The following FAM124B variants were observed in gnomAD, a reference collection of about 807,000 sequenced individuals.
FAM124B encodes protein FAM124B.
Under a neutral mutation model 19.7 loss-of-function variants are expected in FAM124B, and 18 were observed. That is an observed-to-expected ratio of 0.92 (90% confidence interval 0.63 to 1.36). The LOEUF is 1.36. FAM124B is among the 40% of genes most tolerant of loss of function. FAM124B has a pLI of 0.00. For synonymous variants in FAM124B, 223 were observed against 225.2 expected (o/e 0.99, Z 0.09); for missense variants, 540 against 553.3 (o/e 0.98, Z 0.24).
intron 1 of FAM124B, among the ~76,000 whole-genome samples, chr2:224,398,032 G>A (rs537040595): frequency 6.6e-6 from 1 of 152,266 alleles, no homozygotes; most frequent in South Asian, 2.1e-4. Context: ...AAGCCACGTG[G>A]AACTGTGAGT....
rs1361974342 is a variant in FAM124B, at chr2:224,401,713, C to T, written c.56G>A (p.Gly19Glu). 1 of 1,614,014 alleles carries T rather than the reference C, an allele frequency of 6.2e-7. No homozygotes were observed. The highest frequency in any genetic ancestry group is 1.3e-5 in the African/African-American group (1 of 74,926). The stretch of plus-strand genomic sequence containing the variant: ...AGTCCTCTGCAGAAGGGAGCCGTGC[C>T]CAGAGTTGGCAAGAAGATGGACAGT... Reference protein sequence around the residue: ...AMTVHLLANSGHGSLLQRTLD... With the variant: ...AMTVHLLANSEHGSLLQRTLD... The change falls in exon 1 of 2, where the codon GGG becomes GAG. Residue 19 changes from glycine (G) to glutamate (E), a missense_variant. Coordinates refer to ENST00000409685, the MANE Select transcript of FAM124B (RefSeq NM_001122779.2).
chr2:224,391,901 G>A (rs1181039084), intron 1 of FAM124B, among the ~76,000 whole-genome samples: 1 of 152,136 alleles, frequency 6.6e-6, no homozygotes, highest in African/African-American at 2.4e-5. Context: ...ATTATCTGTT[G>A]TCCTTAGGTA....
At chr2:224,398,644 T>C (rs962789616) in intron 1 of FAM124B, among the ~76,000 whole-genome samples, 7 of 152,054 alleles carry the variant, frequency 4.6e-5, no homozygotes, top group Admixed American at 2.0e-4. Context: ...CTCTGAGGTT[T>C]GGAGGTCAGG....
In FAM124B at chr2:224,379,864, G is replaced by A. The variant is rs1056026031; in HGVS notation, c.1077C>T (p.Ala359=). 46 of 1,551,928 alleles carry A rather than the reference G, an allele frequency of 3.0e-5. No homozygotes were observed. Among genetic ancestry groups the A allele is most frequent in the East Asian group, 2.9e-4 (12 of 40,936 alleles). Residue 359 remains alanine, a synonymous_variant, in exon 2 of 2, where the codon GCC becomes GCT. Coordinates refer to ENST00000409685, the MANE Select transcript of FAM124B (RefSeq NM_001122779.2). The part of the protein sequence containing the change: ...NRENSFQKLE[A]ETNVDTGLTI... ...TCAAGCCGGTGTCAACATTCGTCTC[G>A]GCCTCAAGCTTCTGAAAGCTGTTTT...
At chr2:224,392,129 A>G (rs1483550056) in intron 1 of FAM124B, among the ~76,000 whole-genome samples, 1 of 152,200 alleles carries the variant, frequency 6.6e-6, no homozygotes, top group East Asian at 1.9e-4. Flanking sequence ...CAAAAATTGA[A>G]CTGAATTCTA....
Position 224,386,899 on chromosome 2 carries a change from A to G in FAM124B, c.733-6691T>C, listed in dbSNP as rs554598505. Among the ~76,000 whole-genome samples, 10 of 152,368 alleles carry G rather than the reference A, an allele frequency of 6.6e-5. 1 individual carries two copies. The highest frequency in any genetic ancestry group is 2.4e-4 in the African/African-American group (10 of 41,586). ...AAATTATTTTACATTAGGTGGACAT[A>G]AAGTCTTAAGAAAATTCCTAATGAT... On this transcript the variant is annotated intron_variant, in intron 1 of 1. Transcript: ENST00000409685.
chr2:224,390,574 C>G (rs921299635), intron 1 of FAM124B, among the ~76,000 whole-genome samples: 1 of 151,996 alleles, frequency 6.6e-6, no homozygotes, highest in South Asian at 2.1e-4. Context: ...ACAGCAAGGC[C>G]CACAGAGAAG....
intron 1 of FAM124B, among the ~76,000 whole-genome samples, chr2:224,390,706 TTGTTTG>T (rs1559309833): frequency 6.5e-4 from 94 of 144,676 alleles, no homozygotes; most frequent in African/African-American, 2.5e-3. Context: ...TTTTTTTTGT[TTGTTTG>T]TTTTTTAAGA....
In FAM124B at chr2:224,380,196, G is replaced by A; in HGVS notation, c.745C>T (p.Pro249Ser). 6.5e-7 allele frequency: 1 copy of A among 1,545,102 alleles called. No homozygotes were observed. The highest frequency in any genetic ancestry group is 8.8e-7 in the Non-Finnish European group (1 of 1,142,782). The change falls in exon 2 of 2, where the codon CCA becomes TCA. Residue 249 changes from proline (P) to serine (S), a missense_variant. By Grantham distance (74) the Pro-to-Ser change is moderately conservative (BLOSUM62 -1). Transcript: ENST00000409685. Reference protein sequence around the residue: ...NKILLQVQLNPELGVKNGILG... With the variant: ...NKILLQVQLNSELGVKNGILG... ...ATGCCATTCTTAACACCAAGTTCTG[G>A]ATTCAGCTGAACCTACAGGAAAGGA...
In FAM124B at chr2:224,379,692, G is replaced by A. The variant is rs1022090689; in HGVS notation, c.1249C>T (p.Pro417Ser). 6.4e-7 allele frequency: 1 copy of A among 1,551,684 alleles called. No homozygotes were observed. The change falls in exon 2 of 2, where the codon CCT (proline) becomes TCT (serine). Residue 417 changes from proline to serine, a missense_variant. Pro to Ser is a moderately conservative substitution (Grantham distance 74). Transcript: ENST00000409685. ...NNSVLKERVSPLPLAGQRDLG... is the reference protein window; with the variant it reads ...NNSVLKERVSSLPLAGQRDLG... ...TCCCTTTGGCCAGCAAGTGGCAAAG[G>A]AGAGACTCTTTCCTTAAGGACACTG...
At chr2:224,395,453 A>G (rs1443022007) in intron 1 of FAM124B, among the ~76,000 whole-genome samples, 2 of 152,162 alleles carry the variant, frequency 1.3e-5, no homozygotes, top group African/African-American at 4.8e-5. Flanking sequence ...CACCCATGCT[A>G]CCTTCCCCCA....
chr2:224,395,776 A>T (rs902118986), intron 1 of FAM124B, among the ~76,000 whole-genome samples: 2 of 152,162 alleles, frequency 1.3e-5, no homozygotes, highest in African/African-American at 4.8e-5. Context: ...GAGGCATCAG[A>T]CTGTCTGCAA....
chr2:224,396,153 T>C (rs1173614835), intron 1 of FAM124B, among the ~76,000 whole-genome samples: 3 of 152,184 alleles, frequency 2.0e-5, no homozygotes, highest in Non-Finnish European at 2.9e-5. Context: ...TACATTCCAG[T>C]GGCTGACCAC....
chr2:224,390,572 G>A (rs1303486227), intron 1 of FAM124B, among the ~76,000 whole-genome samples: 2 of 151,978 alleles, frequency 1.3e-5, no homozygotes, highest in African/African-American at 2.4e-5. Context: ...GGACAGCAAG[G>A]CCCACAGAGA....
At chr2:224,388,186 T>C (rs959396135) in intron 1 of FAM124B, among the ~76,000 whole-genome samples, 1 of 152,214 alleles carries the variant, frequency 6.6e-6, no homozygotes. Flanking sequence ...AGTTACGTGT[T>C]ACAAAGATTT....
chr2:224,386,532 T>C (rs1208730969), intron 1 of FAM124B, among the ~76,000 whole-genome samples: 12 of 152,214 alleles, frequency 7.9e-5, no homozygotes, highest in Non-Finnish European at 1.5e-5. Flanking sequence ...GATTAAATGA[T>C]AGTCGTGCCT....
intron 1 of FAM124B, among the ~76,000 whole-genome samples, chr2:224,389,425 T>C (rs564622869): frequency 6.6e-6 from 1 of 152,324 alleles, no homozygotes; most frequent in East Asian, 1.9e-4. Flanking sequence ...GGCATTATAA[T>C]GCTGTAATAA....
chr2:224,387,439 T>C (rs1689815687), intron 1 of FAM124B, among the ~76,000 whole-genome samples: 1 of 152,204 alleles, frequency 6.6e-6, no homozygotes, highest in Non-Finnish European at 1.5e-5. Context: ...AAGAGAGAAT[T>C]TCTTCAACAC....
Position 224,379,350 on chromosome 2 carries a change from C to T in FAM124B, c.*223G>A. ...CGGAACAAAAGCATTCGGTTTTTTTCCCTGTGTGTTGGCTGTGTTCTCTTA... is the reference window on the plus strand; with the variant it reads ...CGGAACAAAAGCATTCGGTTTTTTTTCCTGTGTGTTGGCTGTGTTCTCTTA... On this transcript the variant is annotated 3_prime_UTR_variant, in exon 2 of 2. Transcript: ENST00000409685. 1.7e-6 allele frequency: 1 copy of T among 596,124 alleles called. No individual in the cohort carries two copies. Among genetic ancestry groups the T allele is most frequent in the Non-Finnish European group, 2.7e-6 (1 of 375,242 alleles). 36.9% of individuals were successfully genotyped at this position (596,124 alleles called of 1,614,324 possible). A position where few individuals can be genotyped will look rare whatever the true frequency, so the allele number is the denominator to read the frequency against.
Sources: gnomAD v4.1 joint callset for allele counts (sites outside exome capture counted in the v4.1 genomes callset) on GRCh38, gnomAD v4.1.1 for gene constraint, MANE v1.5 for transcripts, NCBI Gene and HGNC (gene_info 2026-07-23, HGNC 2026-07-21) for gene names.